The following HOXC10 variants were observed in gnomAD, a reference collection of about 807,000 sequenced individuals.
The protein encoded by HOXC10 is homeobox C10.
HOXC10 carries 15 observed loss-of-function variants against 26.0 expected under a neutral mutation model. That is an observed-to-expected ratio of 0.58 (90% confidence interval 0.39 to 0.89). HOXC10 has a LOEUF of 0.89. HOXC10 is among the 40% of genes least tolerant of loss of function. The pLI is 0.00. For synonymous variants in HOXC10, 196 were observed against 185.5 expected (o/e 1.06, Z -0.46); for missense variants, 446 against 451.9 (o/e 0.99, Z 0.12).
intron 1 of HOXC10, 50 bp from the exon 2 acceptor site, chr12:53,989,119 G>A (rs1592202158): frequency 6.6e-7 from 1 of 1,524,888 alleles, no homozygotes; most frequent in East Asian, 2.3e-5. Context: ...AGCGCTGAGA[G>A]GGTTTTCGAC....
intron 1 of HOXC10, among the ~76,000 whole-genome samples, chr12:53,987,161 C>G (rs1463821280): frequency 6.6e-6 from 1 of 152,188 alleles, no homozygotes; most frequent in Admixed American, 6.5e-5. Context: ...GAGAGCGGAG[C>G]AGGCTGGGGG....
intron 1 of HOXC10, among the ~76,000 whole-genome samples, 176 bp from the exon 2 acceptor site, chr12:53,988,993 C>T (rs1939476400): frequency 6.6e-6 from 1 of 152,180 alleles, no homozygotes; most frequent in African/African-American, 2.4e-5. Flanking sequence ...TAAGTCTAAA[C>T]CCCAAAGAAA....
At chr12:53,988,836 G>T (rs1375011345) in intron 1 of HOXC10, among the ~76,000 whole-genome samples, 1 of 152,274 alleles carries the variant, frequency 6.6e-6, no homozygotes, top group Non-Finnish European at 1.5e-5. Flanking sequence ...CAGAGAGAAG[G>T]GGGGATCTGG....
chr12:53,988,588 G>T (rs903044672), intron 1 of HOXC10, among the ~76,000 whole-genome samples: 1 of 152,236 alleles, frequency 6.6e-6, no homozygotes, highest in Admixed American at 6.5e-5. Context: ...GGCAATGGGA[G>T]ACCTAAGGGA....
rs773443415 is a variant in HOXC10, at chr12:53,989,301, G to T, written c.884G>T (p.Arg295Leu). 6.2e-7 allele frequency: 1 copy of T among 1,614,200 alleles called. No individual in the cohort carries two copies. Among genetic ancestry groups the T allele is most frequent in the East Asian group, 2.2e-5 (1 of 44,890 alleles). Residue 295 changes from arginine (R) to leucine (L), a missense_variant, in exon 2 of 2, where the codon CGA becomes CTA. Transcript: ENST00000303460. ...TTTCTGTTCAATATGTATTTGACGC[G>T]AGAGCGCCGCCTGGAGATTAGCAAG... ...KEFLFNMYLTRERRLEISKTI... is the reference protein window; with the variant it reads ...KEFLFNMYLTLERRLEISKTI...
intron 1 of HOXC10, chr12:53,986,308 T>G: frequency 3.5e-6 from 1 of 287,328 alleles, no homozygotes; most frequent in Non-Finnish European, 6.4e-6. Context: ...GGGTGGCTGC[T>G]CCCAGGCGCG....
chr12:53,985,855 C>A lies in HOXC10; in HGVS notation c.596C>A (p.Pro199His), dbSNP rs1313541232. ...CAGCTGGGGGGCAAAGTGAGTTTCC[C>A]TGAGACCCCCAAGTCCGACAGCCAG... The part of the protein sequence containing the change: ...SPQLGGKVSF[P>H]ETPKSDSQTP... Residue 199 changes from proline to histidine, a missense_variant, in exon 1 of 2, where the codon CCT becomes CAT. Transcript: ENST00000303460. 8 of 1,613,700 alleles carry A rather than the reference C, an allele frequency of 5.0e-6. No homozygotes were observed. The Admixed American group carries it at 1.3e-4, about 27-fold the overall frequency.
In HOXC10 at chr12:53,989,281, G is replaced by A. The variant is rs1021610313; in HGVS notation, c.864G>A (p.Leu288=). 6.2e-7 allele frequency: 1 copy of A among 1,614,212 alleles called. No homozygotes were observed. The highest frequency in any genetic ancestry group is 1.1e-5 in the South Asian group (1 of 91,088). Residue 288 remains leucine (L), a synonymous_variant, in exon 2 of 2, where the codon CTG becomes CTA. Transcript: ENST00000303460. The part of the protein sequence containing the change: ...HQTLELEKEF[L]FNMYLTRERR... The stretch of plus-strand genomic sequence containing the variant: ...CGCTGGAATTGGAGAAAGAATTTCT[G>A]TTCAATATGTATTTGACGCGAGAGC...
Position 53,985,250 on chromosome 12 carries a change from C to G in HOXC10, c.-10C>G. The G allele has an allele frequency of 2.6e-6, 4 of 1,524,004 alleles. No homozygotes were observed. Among genetic ancestry groups the G allele is most frequent in the South Asian group, 2.6e-5 (2 of 75,792 alleles). The allele number at this position is 1,524,004 out of a possible 1,614,324, so 94.4% of individuals were successfully genotyped here. ...GTAGTATTGCTCCTTAAAAACCCCT[C>G]TCTCTGAAAATGACATGCCCTCGCA... On this transcript the variant is annotated 5_prime_UTR_variant, in exon 1 of 2. Coordinates refer to ENST00000303460, the MANE Select transcript of HOXC10 (RefSeq NM_017409.4).
rs1026559190 is a variant in HOXC10 at position 53,985,247 on chromosome 12, C to G, written c.-13C>G. ...GCTGTAGTATTGCTCCTTAAAAACC[C>G]CTCTCTCTGAAAATGACATGCCCTC... On this transcript the variant is annotated 5_prime_UTR_variant, in exon 1 of 2. Coordinates refer to ENST00000303460, the MANE Select transcript of HOXC10 (RefSeq NM_017409.4). The G allele has an allele frequency of 7.2e-6, 11 of 1,522,216 alleles. No individual in the cohort carries two copies. Among genetic ancestry groups the G allele is most frequent in the African/African-American group, 1.4e-5 (1 of 71,750 alleles). 94.3% of individuals were successfully genotyped at this position (1,522,216 alleles called of 1,614,324 possible).
rs1939494757 is a variant in HOXC10 at position 53,990,007 on chromosome 12, G to GTC, written c.*562_*563insCT. 6.6e-6 allele frequency: 1 copy of GTC among 152,388 alleles called. No individual in the cohort carries two copies. Among genetic ancestry groups the GTC allele is most frequent in the South Asian group, 2.1e-4 (1 of 4,806 alleles). 9.4% of individuals were successfully genotyped at this position (152,388 alleles called of 1,614,324 possible). Reference sequence around the variant, plus strand: ...GCTCTAAGAATCTGCTTGAAGTCTCGTATTTGTACTGCTTTCTGCTTTTCT... The same window carrying GTC: ...GCTCTAAGAATCTGCTTGAAGTCTCGTCTATTTGTACTGCTTTCTGCTTTTCT... On this transcript the variant is annotated 3_prime_UTR_variant, in exon 2 of 2. Transcript: ENST00000303460.
At chr12:53,987,184 C>T (rs1939450708) in intron 1 of HOXC10, among the ~76,000 whole-genome samples, 1 of 152,194 alleles carries the variant, frequency 6.6e-6, no homozygotes, top group Non-Finnish European at 1.5e-5. Flanking sequence ...GCCTGGATCT[C>T]CTGGTGCTTT....
At chr12:53,987,488 G>A (rs1328955012) in intron 1 of HOXC10, among the ~76,000 whole-genome samples, 1 of 152,164 alleles carries the variant, frequency 6.6e-6, no homozygotes, top group African/African-American at 2.4e-5. Context: ...CAGTGTGAAG[G>A]TTTAATCTTA....
chr12:53,987,448 A>T (rs1034188425), intron 1 of HOXC10, among the ~76,000 whole-genome samples: 2 of 152,214 alleles, frequency 1.3e-5, no homozygotes, highest in African/African-American at 4.8e-5. Context: ...AGGCGCCTAC[A>T]GCCTCAAAGC....
chr12:53,986,621 C>A (rs1345495687), intron 1 of HOXC10: 3 of 152,276 alleles, frequency 2.0e-5, no homozygotes, highest in Admixed American at 6.5e-5. Flanking sequence ...AAGGGCTGCC[C>A]GCCACGTCCC....
chr12:53,986,152 C>T (rs1939431407), intron 1 of HOXC10, 142 bp downstream of exon 1: 1 of 896,046 alleles, frequency 1.1e-6, no homozygotes. Context: ...GACTAGCGTC[C>T]GCTGAGCTCC....
In HOXC10 at chr12:53,989,521, T is replaced by C; in HGVS notation, c.*75T>C. 1 of 1,423,696 alleles carries C rather than the reference T, an allele frequency of 7.0e-7. No individual in the cohort carries two copies. 88.2% of individuals were successfully genotyped at this position (1,423,696 alleles called of 1,614,324 possible). On this transcript the variant is annotated 3_prime_UTR_variant, in exon 2 of 2. Transcript: ENST00000303460. Reference sequence around the variant, plus strand: ...CCTCCCTTTGTGCCTGGTGATATATTTTTTTTTCCTCCCTGAGTATAAATG... The same window carrying C: ...CCTCCCTTTGTGCCTGGTGATATATCTTTTTTTCCTCCCTGAGTATAAATG...
Position 53,985,305 on chromosome 12 carries a change from T to A in HOXC10, c.46T>A (p.Leu16Met), listed in dbSNP as rs764239602. The A allele has an allele frequency of 6.3e-7, 1 of 1,593,120 alleles. No individual in the cohort carries two copies. Among genetic ancestry groups the A allele is most frequent in the Non-Finnish European group, 8.5e-7 (1 of 1,170,812 alleles). ...AACTCCGAACTCGTACGCGGAGCCC[T>A]TGGCTGCGCCCGGCGGAGGAGAGCG... Reference protein sequence around the residue: ...NVTPNSYAEPLAAPGGGERYS... With the variant: ...NVTPNSYAEPMAAPGGGERYS... Residue 16 changes from leucine to methionine, a missense_variant, in exon 1 of 2, where the codon TTG becomes ATG. Coordinates refer to ENST00000303460, the MANE Select transcript of HOXC10 (RefSeq NM_017409.4).
Position 53,986,029 on chromosome 12 carries a change from C to T in HOXC10, c.751+19C>T, listed in dbSNP as rs373449909. On this transcript the variant is annotated intron_variant, in intron 1 of 1. Transcript: ENST00000303460. ...GCGAAAGGTAAGGCCGCCTGGGCCG[C>T]GGGCGCCACTGGGACGTTCCGGCAC... 2 of 1,533,788 alleles carry T rather than the reference C, an allele frequency of 1.3e-6. No homozygotes were observed. Among genetic ancestry groups the T allele is most frequent in the East Asian group, 2.3e-5 (1 of 44,088 alleles).
Sources: gnomAD v4.1 joint callset for allele counts (sites outside exome capture counted in the v4.1 genomes callset) on GRCh38, gnomAD v4.1.1 for gene constraint, MANE v1.5 for transcripts, NCBI Gene and HGNC (gene_info 2026-07-23, HGNC 2026-07-21) for gene names.